Variants in DLG2 observed in about 807,000 individuals in gnomAD.
DLG2 encodes disks large homolog 2.
A neutral mutation model predicts 132.5 loss-of-function variants in DLG2; 45 were observed. That is an observed-to-expected ratio of 0.34 (90% CI 0.27 to 0.44). The LOEUF (loss-of-function observed/expected upper bound fraction) is 0.44, where lower values mean the gene tolerates loss of function less well. Among genes scored for constraint, DLG2 ranks in the 20% least tolerant of loss-of-function variants. DLG2 has a pLI of 1.00. For synonymous variants in DLG2, 424 were observed against 419.6 expected (o/e 1.01, Z -0.13); for missense variants, 1,045 against 1,196.9 (o/e 0.87, Z 1.87).
chr11:85,147,951 T>C (rs761078367), intron 5 of DLG2, among the ~76,000 whole-genome samples: 8 of 151,906 alleles, frequency 5.3e-5, no homozygotes, highest in Admixed American at 1.3e-4. Flanking sequence ...CCCCACACTG[T>C]GTCCATGTGT....
chr11:84,467,066 C>T lies in DLG2; in HGVS notation c.519+67504G>A, dbSNP rs191083452. Among the ~76,000 whole-genome samples the T allele has an allele frequency of 7.9e-5, 12 of 151,302 alleles. No individual in the cohort carries two copies. In the South Asian group the frequency reaches 8.3e-4, roughly 10 times the overall value. ...TCAGTGATACCCCAATAGCAACGAC[C>T]GTATCTAGCACAAAGATCTTGGTGT... On this transcript the variant is annotated intron_variant, in intron 7 of 27. Transcript: ENST00000376104.
intron 7 of DLG2, among the ~76,000 whole-genome samples, chr11:84,403,365 T>A (rs1170037265): frequency 6.6e-6 from 1 of 152,208 alleles, no homozygotes. Context: ...CTGTGAAGTC[T>A]TTAAACGGTC....
chr11:85,528,931 C>T lies in DLG2; in HGVS notation c.40+69726G>A, dbSNP rs556265531. On this transcript the variant is annotated intron_variant, in intron 3 of 27. Coordinates refer to ENST00000376104, the MANE Select transcript of DLG2 (RefSeq NM_001142699.3). ...GCCTATACAACAAAACTAGAAACAA[C>T]TCATGTTATTCACCAATAGACTGAA... Among the ~76,000 whole-genome samples the T allele has an allele frequency of 1.4e-4, 21 of 152,238 alleles. No homozygotes were observed. The South Asian group carries it at 2.5e-3, about 18-fold the overall frequency.
chr11:84,488,624 C>T (rs1463729418), intron 7 of DLG2, among the ~76,000 whole-genome samples: 3 of 152,106 alleles, frequency 2.0e-5, no homozygotes, highest in African/African-American at 7.2e-5. Flanking sequence ...GCTTACTCTG[C>T]TTCCCCATCA....
chr11:84,682,922 G>C (rs2099734788), intron 6 of DLG2, among the ~76,000 whole-genome samples: 1 of 152,114 alleles, frequency 6.6e-6, no homozygotes, highest in Non-Finnish European at 1.5e-5. Flanking sequence ...ATCTATCACT[G>C]GTTTGGTTTT....
intron 4 of DLG2, among the ~76,000 whole-genome samples, chr11:85,233,732 T>G (rs895152633): frequency 6.6e-6 from 1 of 151,124 alleles, no homozygotes; most frequent in Non-Finnish European, 1.5e-5. Context: ...GGACTCTAGT[T>G]TTTCAAGATT....
chr11:85,283,543 G>T (rs542887189), intron 4 of DLG2, among the ~76,000 whole-genome samples: 1 of 150,208 alleles, frequency 6.7e-6, no homozygotes, highest in African/African-American at 2.4e-5. Flanking sequence ...CTCTTTCAAA[G>T]CAATTAAGAA....
At chr11:85,466,570 C>G (rs1167494008) in intron 3 of DLG2, among the ~76,000 whole-genome samples, 6 of 152,132 alleles carry the variant, frequency 3.9e-5, no homozygotes, top group Non-Finnish European at 4.4e-5. Flanking sequence ...ATAAGGAATC[C>G]TTTCCCTACT....
chr11:84,152,979 G>C (rs148719357), intron 9 of DLG2, among the ~76,000 whole-genome samples: 544 of 152,238 alleles, frequency 3.6e-3, no homozygotes, highest in South Asian at 7.0e-3. Flanking sequence ...GTGGTAACAG[G>C]TATCATTCTT....
At chr11:83,720,891 C>T (rs1161861796) in intron 18 of DLG2, 1 of 152,042 alleles carries the variant, frequency 6.6e-6, no homozygotes, top group Non-Finnish European at 1.5e-5. Flanking sequence ...GCTGATTCCT[C>T]TCACCGCGGG....
chr11:84,502,336 TTCTTTCTTTCTTTC>T, intron 7 of DLG2, among the ~76,000 whole-genome samples: 1 of 29,724 alleles, frequency 3.4e-5, no homozygotes, highest in East Asian at 6.0e-4. Flanking sequence ...CTTTCTTTCT[TTCTTTCTTTCTTTC>T]TTTCTTTCTT....
intron 3 of DLG2, among the ~76,000 whole-genome samples, chr11:85,435,650 G>A (rs1255835598): frequency 6.6e-6 from 1 of 151,962 alleles, no homozygotes; most frequent in African/African-American, 2.4e-5. Flanking sequence ...CACTGCTCAA[G>A]GAAATAAGAG....
intron 6 of DLG2, among the ~76,000 whole-genome samples, chr11:85,071,136 A>T (rs1195216873): frequency 8.6e-5 from 13 of 151,908 alleles, no homozygotes; most frequent in Non-Finnish European, 2.9e-5. Flanking sequence ...ATATAAAGCT[A>T]TCAGAACACT....
intron 3 of DLG2, among the ~76,000 whole-genome samples, chr11:85,399,609 C>T (rs925700979): frequency 6.6e-6 from 1 of 151,906 alleles, no homozygotes; most frequent in Non-Finnish European, 1.5e-5. Context: ...TAGAACAGAG[C>T]CCTCAGAAAT....
intron 15 of DLG2, among the ~76,000 whole-genome samples, chr11:83,879,652 T>C (rs2065660901): frequency 6.6e-6 from 1 of 152,176 alleles, no homozygotes. Context: ...AACTGGATAG[T>C]CCTCCAGTTG....
At chr11:84,071,510 TC>T (rs749726103) in intron 10 of DLG2, among the ~76,000 whole-genome samples, 11 of 152,042 alleles carry the variant, frequency 7.2e-5, no homozygotes, top group Non-Finnish European at 7.4e-5. Flanking sequence ...GGCTCAATTA[TC>T]CTCCTGCCTC....
intron 7 of DLG2, among the ~76,000 whole-genome samples, chr11:84,497,148 G>A (rs2099186817): frequency 6.6e-6 from 1 of 152,090 alleles, no homozygotes; most frequent in Non-Finnish European, 1.5e-5. Context: ...TTAGCACAAG[G>A]TTTGCACATA....
At chr11:83,912,447 C>CA (rs1326831145) in intron 15 of DLG2, among the ~76,000 whole-genome samples, 1 of 152,004 alleles carries the variant, frequency 6.6e-6, no homozygotes, top group Non-Finnish European at 1.5e-5. Flanking sequence ...CATGAGTGTA[C>CA]AAAAAATGGC....
At chr11:83,922,663 A>G (rs1244645900) in intron 15 of DLG2, among the ~76,000 whole-genome samples, 1 of 152,082 alleles carries the variant, frequency 6.6e-6, no homozygotes, top group Non-Finnish European at 1.5e-5. Flanking sequence ...TTCGTGGCAG[A>G]GTGGATGTGG....
Sources: gnomAD v4.1 joint callset for allele counts (sites outside exome capture counted in the v4.1 genomes callset) on GRCh38, gnomAD v4.1.1 for gene constraint, MANE v1.5 for transcripts, NCBI Gene and HGNC (gene_info 2026-07-23, HGNC 2026-07-21) for gene names.